MAGI2: variants seen among roughly 807,000 people sequenced by gnomAD.
The protein encoded by MAGI2 is membrane-associated guanylate kinase, WW and PDZ domain-containing protein 2.
MAGI2 carries 35 observed loss-of-function variants against 133.3 expected under a neutral mutation model. That is an observed-to-expected ratio of 0.26 (90% CI 0.20 to 0.35). The LOEUF is 0.35. Ranked by LOEUF, MAGI2 falls within the 10% of genes least tolerant of loss-of-function variation. The pLI, the probability that MAGI2 is intolerant of heterozygous loss-of-function variation, is 1.00. For synonymous variants in MAGI2, 729 were observed against 710.6 expected (o/e 1.03, Z -0.41); for missense variants, 1,636 against 1,863.4 (o/e 0.88, Z 2.25).
At chr7:78,909,694 T>C (rs1311775997) in intron 2 of MAGI2, among the ~76,000 whole-genome samples, 1 of 150,626 alleles carries the variant, frequency 6.6e-6, no homozygotes, top group Non-Finnish European at 1.5e-5. Context: ...TTGGTGGGAA[T>C]GTAAATTAGT....
intron 5 of MAGI2, among the ~76,000 whole-genome samples, chr7:78,491,871 TTGTGTGTGTGTGTGTGTGTGTG>T (rs10598552): frequency 1.6e-4 from 23 of 141,202 alleles, no homozygotes; most frequent in African/African-American, 4.4e-4. Context: ...TCCGTTCAAA[TTGTGTGTGTGTGTGTGTGTGTG>T]TGTGTGTGTG....
chr7:78,560,735 T>A (rs528177394), intron 3 of MAGI2, among the ~76,000 whole-genome samples: 2 of 152,320 alleles, frequency 1.3e-5, no homozygotes, highest in Admixed American at 6.5e-5. Context: ...TAGCCTTTTG[T>A]CTGCTTTCTG....
intron 1 of MAGI2, chr7:79,412,017 A>T (rs1417064149): frequency 6.6e-6 from 1 of 152,134 alleles, no homozygotes; most frequent in Non-Finnish European, 1.5e-5. Context: ...ATTAAAAGTA[A>T]GCATAAACAT....
At chr7:78,667,377 T>A (rs925674532) in intron 2 of MAGI2, among the ~76,000 whole-genome samples, 1 of 151,630 alleles carries the variant, frequency 6.6e-6, no homozygotes, top group Non-Finnish European at 1.5e-5. Flanking sequence ...TCTTTTTTTT[T>A]TAATTTTTTA....
intron 3 of MAGI2, among the ~76,000 whole-genome samples, 159 bp from the exon 4 acceptor site, chr7:78,521,804 C>T (rs2150586735): frequency 6.6e-6 from 1 of 152,122 alleles, no homozygotes; most frequent in Admixed American, 6.6e-5. Flanking sequence ...CTATGTGTCT[C>T]TCTATATATA....
At chr7:78,139,542 G>A (rs1191840494) in intron 16 of MAGI2, among the ~76,000 whole-genome samples, 1 of 152,178 alleles carries the variant, frequency 6.6e-6, no homozygotes, top group Non-Finnish European at 1.5e-5. Flanking sequence ...GGGATGAATG[G>A]TACTCATTAA....
chr7:78,440,872 G>A (rs2151457512), intron 6 of MAGI2, among the ~76,000 whole-genome samples: 1 of 152,204 alleles, frequency 6.6e-6, no homozygotes, highest in African/African-American at 2.4e-5. Flanking sequence ...AGAATTGCTT[G>A]AATCTCCGAG....
intron 6 of MAGI2, among the ~76,000 whole-genome samples, chr7:78,471,924 C>CA (rs891881085): frequency 0.043 from 5,866 of 137,450 alleles, 350 homozygotes; most frequent in African/African-American, 0.14. Context: ...GACTCCATCT[C>CA]AAAAAAAAAA....
At chr7:79,431,873 GACTTTTAA>G (rs1563218115) in intron 1 of MAGI2, among the ~76,000 whole-genome samples, 1 of 152,196 alleles carries the variant, frequency 6.6e-6, no homozygotes, top group East Asian at 1.9e-4. Context: ...TAAGGGTGTA[GACTTTTAA>G]GTCAGGCAGC....
chr7:78,884,886 A>G (rs575518311), intron 2 of MAGI2, among the ~76,000 whole-genome samples: 5 of 152,328 alleles, frequency 3.3e-5, no homozygotes, highest in African/African-American at 1.2e-4. Context: ...TTATCATAGT[A>G]CTATTCATAA....
chr7:78,867,681 A>G (rs1353178537), intron 2 of MAGI2, among the ~76,000 whole-genome samples: 1 of 151,668 alleles, frequency 6.6e-6, no homozygotes, highest in Non-Finnish European at 1.5e-5. Flanking sequence ...CCTAAAACTT[A>G]AAGTATAATA....
intron 1 of MAGI2, among the ~76,000 whole-genome samples, chr7:79,328,977 G>T (rs1002383155): frequency 6.6e-6 from 1 of 152,156 alleles, no homozygotes; most frequent in African/African-American, 2.4e-5. Flanking sequence ...AAATGTGGGG[G>T]CCCTACTGCG....
At chr7:78,107,278 ATGTGACCCCTG>A (rs1189908846) in intron 20 of MAGI2, among the ~76,000 whole-genome samples, 1 of 151,982 alleles carries the variant, frequency 6.6e-6, no homozygotes, top group Non-Finnish European at 1.5e-5. Context: ...AATTTGAATA[ATGTGACCCCTG>A]TAGTTTTATT....
At chr7:79,290,742 C>T (rs553740093) in intron 1 of MAGI2, among the ~76,000 whole-genome samples, 122 of 152,138 alleles carry the variant, frequency 8.0e-4, no homozygotes, top group African/African-American at 2.8e-3. Context: ...CTTTGAACTC[C>T]TACATCCAAA....
At chr7:79,366,152 G>T (rs1585720701) in intron 1 of MAGI2, among the ~76,000 whole-genome samples, 2 of 151,916 alleles carry the variant, frequency 1.3e-5, no homozygotes, top group Non-Finnish European at 2.9e-5. Context: ...TGAGGTGGGA[G>T]GATCGCTTGA....
At chr7:79,332,329 A>T (rs1190008240) in intron 1 of MAGI2, among the ~76,000 whole-genome samples, 1 of 152,262 alleles carries the variant, frequency 6.6e-6, no homozygotes, top group Non-Finnish European at 1.5e-5. Flanking sequence ...TTGAATTATT[A>T]AATTGCGTAA....
chr7:79,125,169 G>A lies in MAGI2; in HGVS notation c.302-117963C>T, dbSNP rs891071702. On this transcript the variant is annotated intron_variant, in intron 1 of 21. Coordinates refer to ENST00000354212, the MANE Select transcript of MAGI2 (RefSeq NM_012301.4). ...CTGACAGAGGCAGTGGTAAGAAAAGGGGCTTTGGTTTTGTAAACACTGACT... is the reference window on the plus strand; with the variant it reads ...CTGACAGAGGCAGTGGTAAGAAAAGAGGCTTTGGTTTTGTAAACACTGACT... 13 of 339,934 alleles carry A rather than the reference G, an allele frequency of 3.8e-5. 2 individuals carry two copies. Among genetic ancestry groups the A allele is most frequent in the South Asian group, 3.5e-4 (12 of 34,524 alleles). The allele number at this position is 339,934 out of a possible 1,614,324, so 21.1% of individuals were successfully genotyped here.
rs549035153 is a variant in MAGI2 at position 78,149,562 on chromosome 7, T to G, written c.2845+10463A>C. On this transcript the variant is annotated intron_variant, in intron 16 of 21. Transcript: ENST00000354212. ...GCGTCTACAAGAATGTGGCTATTTT[T>G]CATCTTGCTGTTCATCTAGCAAGTC... Among the ~76,000 whole-genome samples the G allele has an allele frequency of 4.6e-5, 7 of 152,364 alleles. No homozygotes were observed. In the South Asian group the frequency reaches 1.4e-3, roughly 32 times the overall value.
At chr7:78,173,372 T>C (rs894059882) in intron 14 of MAGI2, among the ~76,000 whole-genome samples, 1 of 152,196 alleles carries the variant, frequency 6.6e-6, no homozygotes, top group African/African-American at 2.4e-5. Context: ...GCCAAGACTA[T>C]TCCCTCCCTG....
Sources: allele counts gnomAD v4.1 joint callset (sites outside exome capture counted in the v4.1 genomes callset), GRCh38; gene constraint gnomAD v4.1.1; transcripts MANE v1.5; gene names NCBI Gene and HGNC (gene_info 2026-07-23, HGNC 2026-07-21).